Variants in POT1 observed in about 807,000 individuals in gnomAD.
POT1 encodes the protein protection of telomeres 1, also known as protection of telomeres protein 1.
Under a neutral mutation model 78.5 loss-of-function variants are expected in POT1, and 47 were observed. That is an observed-to-expected ratio of 0.60 (90% CI 0.47 to 0.76). The LOEUF (loss-of-function observed/expected upper bound fraction) is 0.76. Ranked by LOEUF, POT1 falls within the 30% of genes least tolerant of loss-of-function variation. POT1 has a pLI of 0.00. For missense variants in POT1, 646 were observed against 749.9 expected, an observed-to-expected ratio of 0.86 and a Z score of 1.62; for synonymous variants, 259 against 260.7, an observed-to-expected ratio of 0.99 and a Z score of 0.06.
chr7:124,853,116 T>C lies in POT1; in HGVS notation c.725A>G (p.Tyr242Cys), dbSNP rs1188122279. Residue 242 changes from tyrosine to cysteine, a missense_variant, in exon 10 of 19, where the codon TAT (tyrosine) becomes TGT (cysteine). Transcript: ENST00000357628. ...SLKVGSFLRI[Y>C]SLHTKLQSMN... ...TGATTGAAGTTTGGTATGAAGGCTA[T>C]AGATTCTAAGAAAGCTTCCAACCTA... 1.3e-6 allele frequency: 2 copies of C among 1,596,522 alleles called. No individual in the cohort carries two copies. The highest frequency in any genetic ancestry group is 1.7e-6 in the Non-Finnish European group (2 of 1,168,076).
chr7:124,869,182 C>T (rs1010001082), intron 7 of POT1, among the ~76,000 whole-genome samples: 1 of 152,054 alleles, frequency 6.6e-6, no homozygotes, highest in Non-Finnish European at 1.5e-5. Context: ...TGTTGAAAAT[C>T]TCCAAAAAAT....
intron 16 of POT1, among the ~76,000 whole-genome samples, chr7:124,828,187 C>G (rs975424974): frequency 1.3e-5 from 2 of 151,956 alleles, no homozygotes; most frequent in African/African-American, 4.8e-5. Flanking sequence ...CAGTTAAATA[C>G]CGTTTTAGCA....
intron 14 of POT1, 112 bp downstream of exon 14, chr7:124,840,861 C>A: frequency 2.6e-6 from 2 of 757,274 alleles, no homozygotes; most frequent in Non-Finnish European, 4.1e-6. Context: ...AATTTAAATA[C>A]TATTTTTACT....
intron 8 of POT1, among the ~76,000 whole-genome samples, chr7:124,859,855 T>C (rs1014678495): frequency 1.3e-5 from 2 of 150,426 alleles, no homozygotes; most frequent in African/African-American, 2.4e-5. Flanking sequence ...AAAAAACATA[T>C]AATATTAACA....
At chr7:124,885,489 G>A (rs530750697) in intron 6 of POT1, among the ~76,000 whole-genome samples, 53 of 150,910 alleles carry the variant, frequency 3.5e-4, no homozygotes, top group Non-Finnish European at 5.8e-4. Context: ...AAAATAGGCC[G>A]GGTGTGGTGG....
intron 17 of POT1, among the ~76,000 whole-genome samples, chr7:124,825,950 G>A (rs2116410447): frequency 6.6e-6 from 1 of 152,296 alleles, no homozygotes; most frequent in South Asian, 2.1e-4. Context: ...CCCTAAGAGA[G>A]GTCTGGGCTT....
chr7:124,874,683 C>T (rs1057350172), intron 6 of POT1, among the ~76,000 whole-genome samples: 4 of 149,972 alleles, frequency 2.7e-5, no homozygotes, highest in African/African-American at 9.8e-5. Flanking sequence ...TGCAGTGAGC[C>T]GAGATCATGC....
chr7:124,825,372 A>G lies in POT1; in HGVS notation c.1687-15T>C, dbSNP rs2116408202. 1 of 1,511,364 alleles carries G rather than the reference A, an allele frequency of 6.6e-7. No individual in the cohort carries two copies. 93.6% of individuals were successfully genotyped at this position (1,511,364 alleles called of 1,614,324 possible). ...AAGAATTTGTCCTTAAAAATGTTTC[A>G]TGAGAGAAAAAAAAAGGAAATAATA... On this transcript the variant is annotated splice_polypyrimidine_tract_variant and intron_variant, in intron 17 of 18. Transcript: ENST00000357628.
chr7:124,922,945 C>T (rs1204879519), intron 2 of POT1, among the ~76,000 whole-genome samples: 1 of 151,830 alleles, frequency 6.6e-6, no homozygotes, highest in Non-Finnish European at 1.5e-5. Context: ...AAGGGCCACA[C>T]TACCACAGGC....
intron 8 of POT1, among the ~76,000 whole-genome samples, chr7:124,860,245 T>C (rs949086201): frequency 6.6e-5 from 10 of 152,110 alleles, no homozygotes; most frequent in African/African-American, 1.9e-4. Flanking sequence ...TTTTAGTGTG[T>C]AAATGAAACT....
At chr7:124,844,085 C>T (rs1487339319) in intron 12 of POT1, among the ~76,000 whole-genome samples, 1 of 149,010 alleles carries the variant, frequency 6.7e-6, no homozygotes, top group Non-Finnish European at 1.5e-5. Context: ...CAGAGTGGAA[C>T]ATTTATTACA....
rs1794562918 is a variant in POT1 at position 124,823,771 on chromosome 7, A to C, written c.*191T>G. ...TTGTACAAAAGCAAAACAGAAAGCA[A>C]AACAAAATCCATAGCCATTATTTAC... On this transcript the variant is annotated 3_prime_UTR_variant, in exon 19 of 19. Coordinates refer to ENST00000357628, the MANE Select transcript of POT1 (RefSeq NM_015450.3). 2 of 538,790 alleles carry C rather than the reference A, an allele frequency of 3.7e-6. No individual in the cohort carries two copies. The highest frequency in any genetic ancestry group is 4.9e-5 in the South Asian group (2 of 40,478). The allele number at this position is 538,790 out of a possible 1,614,324, so 33.4% of individuals were successfully genotyped here. A position where few individuals can be genotyped will look rare whatever the true frequency, so the allele number is the denominator to read the frequency against.
chr7:124,903,467 T>G lies in POT1; in HGVS notation c.-153-5093A>C, dbSNP rs1224411221. Among the ~76,000 whole-genome samples the G allele has an allele frequency of 2.6e-5, 4 of 152,290 alleles. No individual in the cohort carries two copies. In the East Asian group the frequency reaches 7.7e-4, roughly 29 times the overall value. ...TGAAGGCAGAAATAAAGATGTTCTT[T>G]GAAACCAATGAGAACAAAGACACAA... On this transcript the variant is annotated intron_variant, in intron 3 of 18. Coordinates refer to ENST00000357628, the MANE Select transcript of POT1 (RefSeq NM_015450.3).
intron 10 of POT1, 98 bp from the exon 11 acceptor site, chr7:124,852,049 T>A: frequency 1.2e-6 from 1 of 823,252 alleles, no homozygotes; most frequent in Non-Finnish European, 1.9e-6. Flanking sequence ...TGAAATTGTA[T>A]ATAAAATTTT....
chr7:124,892,237 C>T, intron 6 of POT1, 29 bp downstream of exon 6: 2 of 1,367,326 alleles, frequency 1.5e-6, no homozygotes, highest in Non-Finnish European at 1.0e-6. Flanking sequence ...ATTTCCACTC[C>T]AAAAAACTCC....
intron 3 of POT1, among the ~76,000 whole-genome samples, chr7:124,913,979 C>T (rs1284350680): frequency 6.6e-6 from 1 of 151,662 alleles, no homozygotes; most frequent in Non-Finnish European, 1.5e-5. Flanking sequence ...ACTAAAAATA[C>T]AAAAAATTAG....
chr7:124,876,410 T>C (rs1795991913), intron 6 of POT1, among the ~76,000 whole-genome samples: 2 of 152,096 alleles, frequency 1.3e-5, no homozygotes, highest in East Asian at 3.9e-4. Flanking sequence ...AAAAAACTGA[T>C]ATCTCCTAGA....
intron 3 of POT1, among the ~76,000 whole-genome samples, chr7:124,906,844 T>C (rs1335860075): frequency 6.6e-6 from 1 of 152,050 alleles, no homozygotes; most frequent in East Asian, 1.9e-4. Flanking sequence ...TGAATCATAA[T>C]GGCTTTTAAA....
At chr7:124,847,584 G>C (rs544432921) in intron 11 of POT1, among the ~76,000 whole-genome samples, 1 of 152,138 alleles carries the variant, frequency 6.6e-6, no homozygotes, top group Non-Finnish European at 1.5e-5. Flanking sequence ...AGAAAATCTA[G>C]AATATTAAAT....
Sources: gnomAD v4.1 joint callset for allele counts (sites outside exome capture counted in the v4.1 genomes callset) on GRCh38, gnomAD v4.1.1 for gene constraint, MANE v1.5 for transcripts, NCBI Gene and HGNC (gene_info 2026-07-23, HGNC 2026-07-21) for gene names.